THSD4: variants seen among roughly 807,000 people sequenced by gnomAD.
The protein encoded by THSD4 is thrombospondin type-1 domain-containing protein 4.
A neutral mutation model predicts 119.0 loss-of-function variants in THSD4; 69 were observed. The ratio of observed to expected loss-of-function variants is 0.58; its 90% confidence interval spans 0.48 to 0.71. The LOEUF (loss-of-function observed/expected upper bound fraction) is 0.71. Among genes scored for constraint, THSD4 ranks in the 30% least tolerant of loss-of-function variants. The pLI, the probability that THSD4 is intolerant of heterozygous loss-of-function variation, is 0.00. For missense variants in THSD4, 1,393 were observed against 1,391.1 expected, an observed-to-expected ratio of 1.00 and a Z score of -0.02; for synonymous variants, 524 against 540.4, an observed-to-expected ratio of 0.97 and a Z score of 0.42.
intron 6 of THSD4, among the ~76,000 whole-genome samples, chr15:71,379,450 CTTTTTTTTTTTTTT>C (rs34326932): frequency 5.2e-5 from 4 of 77,562 alleles, no homozygotes; most frequent in Non-Finnish European, 9.7e-5. Flanking sequence ...CAAATGGCTT[CTTTTTTTTTTTTTT>C]TTTTTTTTTT....
rs146150065 is a variant in THSD4 at position 71,486,544 on chromosome 15, G to A, written c.1152+74721G>A. ...CATTTTGGTTATGCATGCAGTTATCGCTCACATCTTACTGAAACTTTCATT... is the reference window on the plus strand; with the variant it reads ...CATTTTGGTTATGCATGCAGTTATCACTCACATCTTACTGAAACTTTCATT... On this transcript the variant is annotated intron_variant, in intron 7 of 17. Transcript: ENST00000261862. Among the ~76,000 whole-genome samples, 652 of 151,064 alleles carry A rather than the reference G, an allele frequency of 4.3e-3. 4 individuals carry two copies. The highest frequency in any genetic ancestry group is 0.019 in the South Asian group (91 of 4,782).
chr15:71,256,086 A>C (rs570013909), intron 5 of THSD4, among the ~76,000 whole-genome samples: 1 of 152,234 alleles, frequency 6.6e-6, no homozygotes, highest in Non-Finnish European at 1.5e-5. Context: ...GTTGGTATAC[A>C]TGAAGCCTGG....
At chr15:71,438,149 C>T (rs139516029) in intron 7 of THSD4, among the ~76,000 whole-genome samples, 47 of 152,328 alleles carry the variant, frequency 3.1e-4, no homozygotes, top group African/African-American at 7.0e-4. Flanking sequence ...CCCTCACCCT[C>T]GCCCAGGAAC....
intron 6 of THSD4, among the ~76,000 whole-genome samples, chr15:71,292,675 A>AT (rs36103838): frequency 0.05 from 6,518 of 130,576 alleles, 233 homozygotes; most frequent in Middle Eastern, 0.07. Flanking sequence ...ATATAACAGG[A>AT]TTTTTTTTTT....
intron 8 of THSD4, among the ~76,000 whole-genome samples, chr15:71,691,147 A>G (rs1425795104): frequency 3.9e-5 from 6 of 152,188 alleles, no homozygotes; most frequent in Non-Finnish European, 5.9e-5. Flanking sequence ...TAAGGAGTGC[A>G]AGAAATACAA....
At chr15:71,624,699 G>C (rs772466482) in intron 7 of THSD4, among the ~76,000 whole-genome samples, 1 of 152,088 alleles carries the variant, frequency 6.6e-6, no homozygotes, top group Non-Finnish European at 1.5e-5. Context: ...GTCTAAAGAA[G>C]GCCATGGACT....
chr15:71,298,309 C>T (rs1056311168), intron 6 of THSD4, among the ~76,000 whole-genome samples: 3 of 152,158 alleles, frequency 2.0e-5, no homozygotes, highest in African/African-American at 4.8e-5. Context: ...TCTGACCTTA[C>T]AATAACACCA....
At chr15:71,653,843 A>C (rs1022927512) in intron 7 of THSD4, among the ~76,000 whole-genome samples, 1 of 152,208 alleles carries the variant, frequency 6.6e-6, no homozygotes, top group African/African-American at 2.4e-5. Flanking sequence ...ACTTTGGAAC[A>C]AATCAAGTGG....
At chr15:71,300,852 CCT>C (rs2044939014) in intron 6 of THSD4, among the ~76,000 whole-genome samples, 1 of 152,148 alleles carries the variant, frequency 6.6e-6, no homozygotes, top group African/African-American at 2.4e-5. Flanking sequence ...CTTTGATAAA[CCT>C]CTTCCTGAGG....
rs1195369547 is a variant in THSD4 at position 71,115,980 on chromosome 15, T to C, written c.-80+282T>C. On this transcript the variant is annotated intron_variant, in intron 1 of 17. Coordinates refer to ENST00000261862, the MANE Select transcript of THSD4 (RefSeq NM_024817.3). This position sits in a 1 kb window ranked among gnomAD's most constrained non-coding sequence, Gnocchi z 4.4. ...CGGCGCTCATCCCTCCACCCTCGAC[T>C]CTAGGGACAGTCTTAAACTCTAGGG... 5.3e-5 allele frequency among the ~76,000 whole-genome samples: 8 copies of C among 152,164 alleles called. No homozygotes were observed. The highest frequency in any genetic ancestry group is 1.2e-4 in the Non-Finnish European group (8 of 68,012).
At chr15:71,637,916 G>A (rs1039735837) in intron 7 of THSD4, among the ~76,000 whole-genome samples, 7 of 151,794 alleles carry the variant, frequency 4.6e-5, no homozygotes, top group Admixed American at 6.6e-5. Context: ...TAGTAGAGAC[G>A]GAGTTTCACC....
intron 1 of THSD4, among the ~76,000 whole-genome samples, chr15:71,098,237 G>C (rs1448989597): frequency 8.4e-6 from 1 of 119,026 alleles, no homozygotes; most frequent in Non-Finnish European, 1.6e-5. Context: ...GTCCCGCTCT[G>C]TCACCCAGGC....
At chr15:71,377,522 G>T (rs1218890835) in intron 6 of THSD4, among the ~76,000 whole-genome samples, 3 of 152,108 alleles carry the variant, frequency 2.0e-5, no homozygotes, top group Admixed American at 6.5e-5. Flanking sequence ...GGAACCAGGG[G>T]GCTGTAGTGA....
chr15:71,691,549 C>G (rs914723794), intron 8 of THSD4, among the ~76,000 whole-genome samples: 1 of 152,166 alleles, frequency 6.6e-6, no homozygotes, highest in African/African-American at 2.4e-5. Context: ...CACAGCCTTG[C>G]TCAGATTGTT....
At position 71,354,291 on chromosome 15, in the gene THSD4, TAAAGA is replaced by T. The variant is rs549027593; in HGVS notation, c.1016-57386_1016-57382del. Among the ~76,000 whole-genome samples, 138 of 152,012 alleles carry T rather than the reference TAAAGA, an allele frequency of 9.1e-4. 4 individuals carry two copies. The South Asian group carries it at 0.026, about 29-fold the overall frequency. On this transcript the variant is annotated intron_variant, in intron 6 of 17. Transcript: ENST00000261862. ...GCCTGATCGAGACCTTGTGTTTCTA[TAAAGA>T]AAAGAAAAGGGAGCTGATAAAGGAG...
chr15:71,224,735 G>A (rs1439237695), intron 4 of THSD4, among the ~76,000 whole-genome samples: 1 of 152,144 alleles, frequency 6.6e-6, no homozygotes, highest in Admixed American at 6.5e-5. Context: ...TACTTGCATT[G>A]GCTCGTGGCC....
At chr15:71,561,552 A>T (rs2049117194) in intron 7 of THSD4, among the ~76,000 whole-genome samples, 1 of 152,124 alleles carries the variant, frequency 6.6e-6, no homozygotes, top group Admixed American at 6.5e-5. Context: ...TGAGGGCATC[A>T]CCCATGAGAA....
chr15:71,424,988 C>G (rs1198380922), intron 7 of THSD4, among the ~76,000 whole-genome samples: 2 of 152,110 alleles, frequency 1.3e-5, no homozygotes, highest in Non-Finnish European at 2.9e-5. Context: ...GATCCTGAGT[C>G]AGAATGACCC....
At position 71,569,598 on chromosome 15, in the gene THSD4, C is replaced by T. The variant is rs117186208; in HGVS notation, c.1153-90932C>T. On this transcript the variant is annotated intron_variant, in intron 7 of 17. Transcript: ENST00000261862. ...ATGAGTAAGACTGGTGTCTAAACTC[C>T]GTGCCTTTACATCTAACTAGAGATG... Among the ~76,000 whole-genome samples the T allele has an allele frequency of 9.8e-3, 1,486 of 152,236 alleles. 8 individuals carry two copies. The highest frequency in any genetic ancestry group is 0.027 in the Middle Eastern group (8 of 294).
Sources: gnomAD v4.1 joint callset for allele counts (sites outside exome capture counted in the v4.1 genomes callset) on GRCh38, gnomAD v4.1.1 for gene constraint, Gnocchi (gnomAD v3.1) non-coding constraint, MANE v1.5 for transcripts, NCBI Gene and HGNC (gene_info 2026-07-23, HGNC 2026-07-21) for gene names.